Variants in INSC observed in about 807,000 individuals in gnomAD.
INSC encodes INSC spindle orientation adaptor protein.
Under a neutral mutation model 58.6 loss-of-function variants are expected in INSC, and 67 were observed. The observed-to-expected ratio is 1.14, with a 90% confidence interval of 0.94 to 1.40. The LOEUF is 1.40. Ranked by LOEUF, INSC falls within the 40% of genes most tolerant of loss-of-function variation. The pLI, the probability that INSC is intolerant of heterozygous loss-of-function variation, is 0.00. For synonymous variants in INSC, 262 were observed against 276.1 expected (o/e 0.95, Z 0.51); for missense variants, 714 against 692.0 (o/e 1.03, Z -0.36).
At chr11:15,199,377 C>A (rs1459496648) in intron 6 of INSC, among the ~76,000 whole-genome samples, 2 of 152,132 alleles carry the variant, frequency 1.3e-5, no homozygotes, top group Non-Finnish European at 2.9e-5. Flanking sequence ...CATCTTGACC[C>A]CTGAAGTGAC....
upstream of INSC, among the ~76,000 whole-genome samples, chr11:15,112,200 C>T (rs762860003): frequency 2.6e-4 from 39 of 152,102 alleles, no homozygotes; most frequent in Non-Finnish European, 3.7e-4. Context: ...CAGCTAGGGC[C>T]GGCGCCGGGG....
intron 7 of INSC, among the ~76,000 whole-genome samples, chr11:15,212,974 A>G (rs921562089): frequency 3.3e-5 from 5 of 152,186 alleles, no homozygotes; most frequent in South Asian, 4.1e-4. Context: ...TATTATTTTA[A>G]GGATTAAAAA....
chr11:15,260,992 G>A, the INSC span, among the ~76,000 whole-genome samples: 2 of 152,306 alleles, frequency 1.3e-5, no homozygotes, highest in Admixed American at 1.3e-4. Context: ...TGGGCCAAAG[G>A]TGGAAATTAG....
intron 1 of INSC, among the ~76,000 whole-genome samples, chr11:15,139,656 T>C (rs185348296): frequency 6.6e-5 from 10 of 152,316 alleles, no homozygotes; most frequent in African/African-American, 2.2e-4. Context: ...ATTTTATCCT[T>C]ATTATAGATC....
intron 2 of INSC, among the ~76,000 whole-genome samples, chr11:15,149,660 G>T (rs1396650545): frequency 6.6e-6 from 1 of 152,176 alleles, no homozygotes; most frequent in Non-Finnish European, 1.5e-5. Flanking sequence ...CAATGAGGGA[G>T]GGTGGGAAAG....
chr11:15,114,793 A>C (rs1035647738), upstream of INSC: 1 of 234,954 alleles, frequency 4.3e-6, no homozygotes, highest in Non-Finnish European at 6.5e-6. Context: ...AAGGCTTGGC[A>C]GGGAGCGCGC....
At chr11:15,128,818 T>C (rs1360575103) in intron 1 of INSC, among the ~76,000 whole-genome samples, 1 of 152,236 alleles carries the variant, frequency 6.6e-6, no homozygotes, top group Non-Finnish European at 1.5e-5. Flanking sequence ...GCAAGCCCTC[T>C]GTGGCAGCTT....
In INSC at chr11:15,240,427, T is replaced by C. The variant is rs2133979178; in HGVS notation, c.1394-20T>C. Reference sequence around the variant, plus strand: ...CTGGGCCCTGTCCTGGGCCTGAGGCTCTCCCTGTGTCTCCTACAGGCATGT... The same window carrying C: ...CTGGGCCCTGTCCTGGGCCTGAGGCCCTCCCTGTGTCTCCTACAGGCATGT... On this transcript the variant is annotated intron_variant, in intron 11 of 12. Transcript: ENST00000379556. The C allele has an allele frequency of 1.9e-6, 3 of 1,610,088 alleles. No individual in the cohort carries two copies. Among genetic ancestry groups the C allele is most frequent in the Non-Finnish European group, 2.5e-6 (3 of 1,176,976 alleles).
chr11:15,249,759 C>T (rs189955245), downstream of INSC, among the ~76,000 whole-genome samples: 22 of 152,266 alleles, frequency 1.4e-4, no homozygotes, highest in African/African-American at 3.9e-4. Flanking sequence ...TTGGCTCTGC[C>T]GCATGGTTTT....
upstream of INSC, among the ~76,000 whole-genome samples, chr11:15,113,115 C>CTTTCTTTCTTTCTT: frequency 2.0e-5 from 1 of 49,662 alleles, no homozygotes; most frequent in Non-Finnish European, 5.3e-5. Context: ...TCTTTTCTCT[C>CTTTCTTTCTTTCTT]TCTCTCTTTC....
chr11:15,182,421 G>A (rs1239693791), intron 5 of INSC, among the ~76,000 whole-genome samples: 1 of 152,136 alleles, frequency 6.6e-6, no homozygotes, highest in Non-Finnish European at 1.5e-5. Context: ...CTCACTGGGG[G>A]AAAACATCCA....
intron 9 of INSC, among the ~76,000 whole-genome samples, chr11:15,227,005 A>G (rs1851666448): frequency 2.0e-5 from 3 of 152,188 alleles, no homozygotes; most frequent in Non-Finnish European, 2.9e-5. Flanking sequence ...CTATTCGGAG[A>G]TAATTTTCTA....
chr11:15,127,467 A>G (rs111972347), intron 1 of INSC, among the ~76,000 whole-genome samples: 17 of 152,292 alleles, frequency 1.1e-4, no homozygotes, highest in African/African-American at 4.1e-4. Context: ...GATCCTGCCA[A>G]CCTAGGCACC....
intron 1 of INSC, among the ~76,000 whole-genome samples, chr11:15,139,753 T>C (rs982963412): frequency 6.6e-6 from 1 of 152,232 alleles, no homozygotes; most frequent in Non-Finnish European, 1.5e-5. Flanking sequence ...AGTTGACTCC[T>C]GAATCTCTAT....
chr11:15,181,109 G>T (rs1347212677), intron 5 of INSC, among the ~76,000 whole-genome samples: 37 of 152,148 alleles, frequency 2.4e-4, no homozygotes, highest in Non-Finnish European at 2.9e-5. Flanking sequence ...TGATGTGCCG[G>T]TCTGCTTTGC....
chr11:15,211,616 A>G (rs1243179921), intron 7 of INSC, among the ~76,000 whole-genome samples: 3 of 152,158 alleles, frequency 2.0e-5, no homozygotes, highest in Non-Finnish European at 4.4e-5. Flanking sequence ...TTTTTCCAAA[A>G]TTATGAAAAT....
upstream of INSC, among the ~76,000 whole-genome samples, chr11:15,113,846 A>G (rs1046308824): frequency 6.6e-6 from 1 of 152,214 alleles, no homozygotes; most frequent in African/African-American, 2.4e-5. Flanking sequence ...GATTATTAGC[A>G]TTAAGGAAGA....
intron 5 of INSC, among the ~76,000 whole-genome samples, chr11:15,185,538 G>A (rs376761231): frequency 1.6e-4 from 24 of 151,334 alleles, no homozygotes; most frequent in East Asian, 9.7e-4. Context: ...TTTTTAACAC[G>A]GAGCTTGATA....
At chr11:15,214,139 C>A (rs1851128091) in intron 7 of INSC, among the ~76,000 whole-genome samples, 1 of 152,174 alleles carries the variant, frequency 6.6e-6, no homozygotes, top group African/African-American at 2.4e-5. Context: ...TTGGATGTGA[C>A]CCTTGCTCCC....
Sources: gnomAD v4.1 joint callset for allele counts (sites outside exome capture counted in the v4.1 genomes callset) on GRCh38, gnomAD v4.1.1 for gene constraint, MANE v1.5 for transcripts, NCBI Gene and HGNC (gene_info 2026-07-23, HGNC 2026-07-21) for gene names.